FIP1L1: variants seen among roughly 807,000 people sequenced by gnomAD.
FIP1L1 encodes factor interacting with PAPOLA and CPSF1.
A neutral mutation model predicts 84.6 loss-of-function variants in FIP1L1; 21 were observed. That is an observed-to-expected ratio of 0.25 (90% CI 0.18 to 0.36). The LOEUF (loss-of-function observed/expected upper bound fraction) is 0.36. Among genes scored for constraint, FIP1L1 ranks in the 10% least tolerant of loss-of-function variants. FIP1L1 has a pLI of 1.00. For synonymous variants in FIP1L1, 263 were observed against 242.3 expected, an observed-to-expected ratio of 1.09 and a Z score of -0.80; for missense variants, 526 against 751.1, an observed-to-expected ratio of 0.70 and a Z score of 3.50.
chr4:53,412,776 A>T (rs1465018257), intron 10 of FIP1L1, among the ~76,000 whole-genome samples: 3 of 152,044 alleles, frequency 2.0e-5, no homozygotes, highest in Non-Finnish European at 4.4e-5. Context: ...TGTATTTAAT[A>T]AGTAATTTGT....
In FIP1L1 at chr4:53,377,827, C is replaced by T. The variant is rs746607373; in HGVS notation, c.-12C>T. 4 of 1,558,060 alleles carry T rather than the reference C, an allele frequency of 2.6e-6. No individual in the cohort carries two copies. In the Admixed American group the frequency reaches 5.8e-5, roughly 22 times the overall value. The stretch of plus-strand genomic sequence containing the variant: ...TGTTGATCGCCGCGTTTAAGTTGCG[C>T]TCGGGGCGGCCATGTCGGCCGGCGA... On this transcript the variant is annotated 5_prime_UTR_variant, in exon 1 of 18. Coordinates refer to ENST00000337488, the MANE Select transcript of FIP1L1 (RefSeq NM_030917.4).
chr4:53,395,784 G>A (rs1323171227), intron 9 of FIP1L1, among the ~76,000 whole-genome samples: 1 of 151,964 alleles, frequency 6.6e-6, no homozygotes, highest in Non-Finnish European at 1.5e-5. Context: ...TAATTTTTCT[G>A]ATTTCTTATT....
intron 10 of FIP1L1, among the ~76,000 whole-genome samples, chr4:53,407,275 G>T (rs1303955285): frequency 1.3e-5 from 2 of 152,190 alleles, no homozygotes; most frequent in Non-Finnish European, 2.9e-5. Flanking sequence ...TTACCCAGTA[G>T]TCATTCAGGA....
intron 13 of FIP1L1, among the ~76,000 whole-genome samples, chr4:53,441,222 G>A (rs1771780688): frequency 6.6e-6 from 1 of 151,742 alleles, no homozygotes; most frequent in Non-Finnish European, 1.5e-5. Context: ...ATCACACCTG[G>A]TAGCAAGTGT....
At chr4:53,386,626 CAG>C in intron 5 of FIP1L1, among the ~76,000 whole-genome samples, 1 of 152,100 alleles carries the variant, frequency 6.6e-6, no homozygotes, top group Non-Finnish European at 1.5e-5. Flanking sequence ...AGATGGGAGA[CAG>C]TGGTTTTTAG....
At chr4:53,387,190 A>G (rs1741549142) in intron 5 of FIP1L1, among the ~76,000 whole-genome samples, 1 of 152,204 alleles carries the variant, frequency 6.6e-6, no homozygotes, top group Non-Finnish European at 1.5e-5. Flanking sequence ...ATAGTCAGGC[A>G]TGTGGTATAC....
At chr4:53,389,959 G>T (rs988180920) in intron 6 of FIP1L1, 86 bp downstream of exon 6, 6 of 991,814 alleles carry the variant, frequency 6.0e-6, no homozygotes, top group Non-Finnish European at 9.1e-6. Flanking sequence ...TTTAGTCGGG[G>T]ACAGAGTCTG....
intron 16 of FIP1L1, among the ~76,000 whole-genome samples, chr4:53,455,658 T>C (rs758271774): frequency 5.3e-5 from 8 of 152,102 alleles, no homozygotes; most frequent in Non-Finnish European, 8.8e-5. Context: ...TTCAGAGATA[T>C]TATAACAAAT....
intron 16 of FIP1L1, among the ~76,000 whole-genome samples, chr4:53,453,654 T>G (rs924865476): frequency 2.6e-5 from 4 of 152,152 alleles, no homozygotes; most frequent in Admixed American, 2.6e-4. Context: ...GCTGACTCTC[T>G]TGTTTCCCAA....
At chr4:53,435,518 A>T (rs1768740850) in intron 13 of FIP1L1, among the ~76,000 whole-genome samples, 1 of 152,172 alleles carries the variant, frequency 6.6e-6, no homozygotes, top group South Asian at 2.1e-4. Context: ...ATAGAAGTTT[A>T]TCTTCTGTAG....
chr4:53,410,924 A>T (rs1255213152), intron 10 of FIP1L1, among the ~76,000 whole-genome samples: 1 of 152,182 alleles, frequency 6.6e-6, no homozygotes, highest in Non-Finnish European at 1.5e-5. Flanking sequence ...AGGCCTTAGG[A>T]TATATCCTCC....
In FIP1L1 at chr4:53,453,042, G is replaced by C. The variant is rs767029108; in HGVS notation, c.1408G>C (p.Glu470Gln). The C allele has an allele frequency of 6.2e-7, 1 of 1,613,074 alleles. No individual in the cohort carries two copies. Among genetic ancestry groups the C allele is most frequent in the South Asian group, 1.1e-5 (1 of 91,062 alleles). ...AGATAGAGAGAGAGACAGAGACAGA[G>C]AGCGAGACCGTGATCGGGACAGAGA... is the stretch of plus-strand genomic sequence containing the variant. Reference protein sequence around the residue: ...DRDRERDRDRERDRDRDRERE... With the variant: ...DRDRERDRDRQRDRDRDRERE... Residue 470 changes from glutamate (E) to glutamine (Q), a missense_variant, in exon 16 of 18, where the codon GAG (glutamate) becomes CAG (glutamine). Around this residue, in one of 6 missense-constraint regions of FIP1L1, gnomAD observed 89 missense variants for 169.0 expected, o/e 0.53. Coordinates refer to ENST00000337488, the MANE Select transcript of FIP1L1 (RefSeq NM_030917.4).
intron 16 of FIP1L1, among the ~76,000 whole-genome samples, chr4:53,455,446 G>A (rs7675342): frequency 0.43 from 65,631 of 151,846 alleles, 15,704 homozygotes; most frequent in Admixed American, 0.54. Context: ...ACTTGAAGGC[G>A]TAGAGGCCAT....
intron 16 of FIP1L1, among the ~76,000 whole-genome samples, chr4:53,457,154 A>G (rs1017040056): frequency 2.0e-5 from 3 of 152,130 alleles, no homozygotes; most frequent in African/African-American, 7.2e-5. Context: ...GTTCTGTAAG[A>G]AGTCTTGAAA....
At chr4:53,415,474 T>C (rs1220877787) in intron 11 of FIP1L1, among the ~76,000 whole-genome samples, 1 of 152,086 alleles carries the variant, frequency 6.6e-6, no homozygotes, top group Non-Finnish European at 1.5e-5. Flanking sequence ...ACTTTCCTAA[T>C]TTATCATTTG....
At chr4:53,416,673 A>G (rs1759637692) in intron 11 of FIP1L1, among the ~76,000 whole-genome samples, 1 of 152,146 alleles carries the variant, frequency 6.6e-6, no homozygotes, top group African/African-American at 2.4e-5. Flanking sequence ...GCATAGAAAT[A>G]CTTAAAATAG....
chr4:53,438,028 G>A (rs892033695), intron 13 of FIP1L1, among the ~76,000 whole-genome samples: 1 of 151,908 alleles, frequency 6.6e-6, no homozygotes, highest in Non-Finnish European at 1.5e-5. Flanking sequence ...CCCGGCCTAT[G>A]TTCAAGTTTT....
chr4:53,453,975 G>T (rs550092371), intron 16 of FIP1L1, among the ~76,000 whole-genome samples: 79 of 152,122 alleles, frequency 5.2e-4, no homozygotes, highest in Non-Finnish European at 9.1e-4. Flanking sequence ...TTCCCTCAAA[G>T]AATTTTGTTC....
rs928940384 is a variant in FIP1L1 at position 53,377,799 on chromosome 4, G to T, written c.-40G>T. On this transcript the variant is annotated 5_prime_UTR_variant, in exon 1 of 18. Coordinates refer to ENST00000337488, the MANE Select transcript of FIP1L1 (RefSeq NM_030917.4). The stretch of plus-strand genomic sequence containing the variant: ...CGAGGCTGGGGAAGGGGTTGGAGGG[G>T]GCTGTTGATCGCCGCGTTTAAGTTG... 1.4e-5 allele frequency: 21 copies of T among 1,515,852 alleles called. No individual in the cohort carries two copies. The highest frequency in any genetic ancestry group is 1.8e-5 in the Non-Finnish European group (20 of 1,126,418). The allele number at this position is 1,515,852 out of a possible 1,614,324, so 93.9% of individuals were successfully genotyped here. A position where few individuals can be genotyped will look rare whatever the true frequency, so the allele number is the denominator to read the frequency against.
Sources: gnomAD v4.1 joint callset for allele counts (sites outside exome capture counted in the v4.1 genomes callset) on GRCh38, gnomAD v4.1.1 for gene constraint, gnomAD v4.1.1 regional missense constraint, MANE v1.5 for transcripts, NCBI Gene and HGNC (gene_info 2026-07-23, HGNC 2026-07-21) for gene names.